JAK1: variants seen among roughly 807,000 people sequenced by gnomAD.
JAK1 encodes tyrosine-protein kinase JAK1.
In JAK1, 16 loss-of-function variants were observed where a neutral mutation model predicts 136.6. The observed-to-expected ratio is 0.12, with a 90% CI of 0.08 to 0.18. The LOEUF is 0.18. Ranked by LOEUF, JAK1 falls within the 10% of genes least tolerant of loss-of-function variation. The pLI is 1.00. For synonymous variants in JAK1, 492 were observed against 519.5 expected (o/e 0.95, Z 0.72); for missense variants, 859 against 1,450.1 (o/e 0.59, Z 6.62).
chr1:64,939,486 T>C (rs999057590), intron 1 of JAK1, among the ~76,000 whole-genome samples: 5 of 152,234 alleles, frequency 3.3e-5, no homozygotes, highest in Non-Finnish European at 5.9e-5. Context: ...ACTGGTAAAA[T>C]GCATGAACTC....
At chr1:64,944,066 C>T (rs553839401) in intron 1 of JAK1, among the ~76,000 whole-genome samples, 1 of 151,564 alleles carries the variant, frequency 6.6e-6, no homozygotes, top group South Asian at 2.1e-4. Flanking sequence ...ACTAAAAGTA[C>T]AAAAAATTAG....
chr1:64,931,617 G>A (rs1645694489), intron 1 of JAK1, among the ~76,000 whole-genome samples: 1 of 152,066 alleles, frequency 6.6e-6, no homozygotes, highest in Non-Finnish European at 1.5e-5. Context: ...CCAGCATTCA[G>A]AGGCCTCAAC....
chr1:65,039,800 T>G (rs1647113316), intron 2 of JAK1, among the ~76,000 whole-genome samples: 1 of 152,212 alleles, frequency 6.6e-6, no homozygotes, highest in Non-Finnish European at 1.5e-5. Flanking sequence ...ATTTGGTTCC[T>G]TCCTGAGGAT....
intron 11 of JAK1, 96 bp from the exon 12 acceptor site, chr1:64,851,006 C>T (rs1187270272): frequency 9.0e-6 from 7 of 778,930 alleles, no homozygotes; most frequent in East Asian, 2.6e-5. Flanking sequence ...GACCGGTGTG[C>T]GGGCGCTTGC....
intron 2 of JAK1, among the ~76,000 whole-genome samples, chr1:65,015,818 T>C (rs74455367): frequency 0.012 from 1,797 of 152,338 alleles, 36 homozygotes; most frequent in African/African-American, 0.042. Flanking sequence ...CATTACCATA[T>C]GGCCCAGTAA....
chr1:64,877,476 C>T (rs755846650), intron 4 of JAK1, among the ~76,000 whole-genome samples: 2 of 152,128 alleles, frequency 1.3e-5, no homozygotes, highest in South Asian at 2.1e-4. Flanking sequence ...CAAAGACAGC[C>T]TTTAATAGCC....
chr1:64,857,419 G>A (rs1239415206), intron 10 of JAK1, among the ~76,000 whole-genome samples: 1 of 152,214 alleles, frequency 6.6e-6, no homozygotes. Context: ...CCCCCACCAT[G>A]GGTCCCATGA....
chr1:64,867,297 T>A, intron 6 of JAK1, 89 bp from the exon 7 acceptor site: 3 of 916,870 alleles, frequency 3.3e-6, no homozygotes, highest in Non-Finnish European at 4.9e-6. Context: ...TGAATCCACA[T>A]GTTGCCAAAT....
chr1:64,968,726 G>GT (rs1307886500), upstream of JAK1, among the ~76,000 whole-genome samples: 2 of 152,180 alleles, frequency 1.3e-5, no homozygotes, highest in East Asian at 3.9e-4. Flanking sequence ...GAGGTCAGGA[G>GT]TTTGAGACCA....
intron 1 of JAK1, among the ~76,000 whole-genome samples, chr1:65,044,842 T>G (rs1647170537): frequency 6.6e-6 from 1 of 152,364 alleles, no homozygotes; most frequent in African/African-American, 2.4e-5. Flanking sequence ...TGTGATGCCC[T>G]GGGCAAGTCT....
At chr1:64,900,067 C>A (rs1288279247) in intron 1 of JAK1, among the ~76,000 whole-genome samples, 1 of 152,140 alleles carries the variant, frequency 6.6e-6, no homozygotes, top group Non-Finnish European at 1.5e-5. Context: ...TGTTACTACA[C>A]TAATGAGGGG....
At chr1:64,886,205 A>C in intron 2 of JAK1, 54 bp downstream of exon 2, 2 of 1,209,250 alleles carry the variant, frequency 1.7e-6, no homozygotes, top group Non-Finnish European at 2.4e-6. Context: ...CGGTTTCATC[A>C]ATTTTTTTAA....
intron 2 of JAK1, among the ~76,000 whole-genome samples, chr1:65,031,426 A>T (rs950993235): frequency 2.2e-4 from 34 of 152,162 alleles, no homozygotes; most frequent in African/African-American, 8.0e-4. Flanking sequence ...TGTACTTTTT[A>T]AAAAATTTCA....
chr1:65,049,313 T>A (rs146818781), intron 1 of JAK1, among the ~76,000 whole-genome samples: 130 of 152,136 alleles, frequency 8.5e-4, no homozygotes, highest in African/African-American at 2.9e-3. Context: ...TCCCAGATAC[T>A]CAGGAGGCTG....
At chr1:65,036,649 G>A (rs533789468) in intron 2 of JAK1, among the ~76,000 whole-genome samples, 1 of 151,304 alleles carries the variant, frequency 6.6e-6, no homozygotes, top group Non-Finnish European at 1.5e-5. Context: ...AACCAAGTGA[G>A]TTCTAATTAT....
chr1:64,902,476 T>A (rs575078266), intron 1 of JAK1, among the ~76,000 whole-genome samples: 11 of 151,810 alleles, frequency 7.2e-5, no homozygotes, highest in Non-Finnish European at 1.5e-4. Context: ...AAAACCCCTA[T>A]GTACTATGCC....
At position 64,846,801 on chromosome 1, in the gene JAK1, C is replaced by A. The variant is rs1570625924; in HGVS notation, c.1900-65G>T. ...TCCAGGGGGCTGCTCCCCAGGGGCT[C>A]TGTTGAGGGGAAAGCCAGTGGACCC... On this transcript the variant is annotated intron_variant, in intron 13 of 24. Coordinates refer to ENST00000342505, the MANE Select transcript of JAK1 (RefSeq NM_002227.4). 3.9e-6 allele frequency: 5 copies of A among 1,280,470 alleles called. No individual in the cohort carries two copies. In the East Asian group the frequency reaches 1.2e-4, roughly 30 times the overall value. 79.3% of individuals were successfully genotyped at this position (1,280,470 alleles called of 1,614,324 possible).
chr1:65,001,667 A>G (rs1646758011), intron 2 of JAK1, among the ~76,000 whole-genome samples: 2 of 108,860 alleles, frequency 1.8e-5, no homozygotes, highest in African/African-American at 4.2e-5. Flanking sequence ...GAGAGGTAGA[A>G]AGTGTGTGTG....
chr1:64,936,200 C>T (rs1645786741), intron 1 of JAK1, among the ~76,000 whole-genome samples: 1 of 152,298 alleles, frequency 6.6e-6, no homozygotes, highest in African/African-American at 2.4e-5. Context: ...ATCAGAGAAT[C>T]AGGATTTCAA....
Sources: allele counts gnomAD v4.1 joint callset (sites outside exome capture counted in the v4.1 genomes callset), GRCh38; gene constraint gnomAD v4.1.1; transcripts MANE v1.5; gene names NCBI Gene and HGNC (gene_info 2026-07-23, HGNC 2026-07-21).